FHIT: variants seen among roughly 807,000 people sequenced by gnomAD.
FHIT encodes bis(5'-adenosyl)-triphosphatase.
FHIT carries 19 observed loss-of-function variants against 17.9 expected under a neutral mutation model. That is an observed-to-expected ratio of 1.06 (90% CI 0.74 to 1.56). FHIT has a LOEUF of 1.56. Among genes scored for constraint, FHIT ranks in the 40% most tolerant of loss-of-function variants. The pLI, the probability that FHIT is intolerant of heterozygous loss-of-function variation, is 0.00. For missense variants in FHIT, 248 were observed against 189.2 expected (o/e 1.31, Z -1.82); for synonymous variants, 81 against 69.7 (o/e 1.16, Z -0.81).
At chr3:61,076,326 T>C (rs989163889) in intron 2 of FHIT, among the ~76,000 whole-genome samples, 22 of 152,280 alleles carry the variant, frequency 1.4e-4, no homozygotes, top group African/African-American at 3.4e-4. Flanking sequence ...GAAAATATAA[T>C]AGTCTTTCAT....
chr3:59,950,571 C>A (rs1455696617), intron 7 of FHIT, among the ~76,000 whole-genome samples: 1 of 151,920 alleles, frequency 6.6e-6, no homozygotes, highest in African/African-American at 2.4e-5. Flanking sequence ...GTTTTCTTTT[C>A]TTTTCTTTTC....
chr3:60,144,277 G>A (rs1178644025), intron 5 of FHIT, among the ~76,000 whole-genome samples: 1 of 152,186 alleles, frequency 6.6e-6, no homozygotes, highest in Non-Finnish European at 1.5e-5. Context: ...AACAGTAATA[G>A]CTGAATCCCA....
intron 4 of FHIT, among the ~76,000 whole-genome samples, chr3:60,705,775 CT>C (rs2041357471): frequency 6.6e-6 from 1 of 152,132 alleles, no homozygotes; most frequent in African/African-American, 2.4e-5. Flanking sequence ...AGTTAAGAAG[CT>C]ACACATGCGT....
At chr3:60,564,326 C>G (rs1351847560) in intron 4 of FHIT, among the ~76,000 whole-genome samples, 1 of 152,156 alleles carries the variant, frequency 6.6e-6, no homozygotes. Context: ...CCCAAGGGCT[C>G]TGATAGAGAT....
At chr3:60,351,911 CT>C (rs1019681102) in intron 5 of FHIT, among the ~76,000 whole-genome samples, 1 of 152,190 alleles carries the variant, frequency 6.6e-6, no homozygotes, top group Non-Finnish European at 1.5e-5. Flanking sequence ...TTAGCTAGCT[CT>C]TACCCTGAAG....
intron 5 of FHIT, among the ~76,000 whole-genome samples, chr3:60,394,549 G>C (rs1218948479): frequency 6.6e-6 from 1 of 152,116 alleles, no homozygotes; most frequent in African/African-American, 2.4e-5. Flanking sequence ...CATGGTTAAG[G>C]ACACAGGTAC....
chr3:59,911,469 G>C (rs1162609513), intron 8 of FHIT, among the ~76,000 whole-genome samples: 2 of 152,240 alleles, frequency 1.3e-5, no homozygotes, highest in East Asian at 3.9e-4. Context: ...GGGCCTTTTA[G>C]GGGAGCAATT....
intron 8 of FHIT, among the ~76,000 whole-genome samples, chr3:59,864,747 T>G (rs1702561685): frequency 6.6e-6 from 1 of 151,860 alleles, no homozygotes; most frequent in Non-Finnish European, 1.5e-5. Flanking sequence ...AAGCAATGCT[T>G]TTCTGTGGAA....
At chr3:60,456,589 G>C (rs377319) in intron 5 of FHIT, among the ~76,000 whole-genome samples, 77,655 of 152,048 alleles carry the variant, frequency 0.51, 22,383 homozygotes, top group African/African-American at 0.78. Flanking sequence ...AGCAGCAGCA[G>C]AGAATCTTTT....
At chr3:60,707,889 C>T (rs1348241437) in intron 4 of FHIT, among the ~76,000 whole-genome samples, 1 of 152,148 alleles carries the variant, frequency 6.6e-6, no homozygotes, top group Non-Finnish European at 1.5e-5. Flanking sequence ...TTTGGGTATA[C>T]TGTTGCATAT....
chr3:61,151,076 T>C (rs879433823), intron 2 of FHIT, among the ~76,000 whole-genome samples: 1 of 152,270 alleles, frequency 6.6e-6, no homozygotes, highest in Non-Finnish European at 1.5e-5. Flanking sequence ...ATTTGCTTCT[T>C]GTTTCTCAGT....
intron 5 of FHIT, among the ~76,000 whole-genome samples, chr3:60,485,094 CATA>C (rs563642333): frequency 1.3e-3 from 193 of 152,136 alleles, no homozygotes; most frequent in African/African-American, 4.6e-3. Flanking sequence ...AAATCAAAAC[CATA>C]ATGAGATACC....
chr3:60,072,981 G>A (rs1036035676), intron 5 of FHIT, among the ~76,000 whole-genome samples: 3 of 152,166 alleles, frequency 2.0e-5, no homozygotes, highest in South Asian at 2.1e-4. Flanking sequence ...CTAAATGCCA[G>A]GGAATACACA....
At chr3:60,730,878 A>T (rs1207975909) in intron 4 of FHIT, among the ~76,000 whole-genome samples, 1 of 151,400 alleles carries the variant, frequency 6.6e-6, no homozygotes, top group Non-Finnish European at 1.5e-5. Context: ...GCACTTTGGG[A>T]GGCTGAGGCA....
chr3:60,120,983 A>T (rs915526574), intron 5 of FHIT, among the ~76,000 whole-genome samples: 1 of 152,166 alleles, frequency 6.6e-6, no homozygotes, highest in African/African-American at 2.4e-5. Context: ...CCACAAAATC[A>T]TAAGAGAGCC....
At chr3:60,636,568 G>C (rs192554724) in intron 4 of FHIT, among the ~76,000 whole-genome samples, 2 of 152,272 alleles carry the variant, frequency 1.3e-5, no homozygotes, top group East Asian at 1.9e-4. Flanking sequence ...GCAAGATCAA[G>C]AGTGGCAAAA....
chr3:60,567,583 A>T (rs1238124404), intron 4 of FHIT, among the ~76,000 whole-genome samples: 1 of 150,876 alleles, frequency 6.6e-6, no homozygotes, highest in Non-Finnish European at 1.5e-5. Flanking sequence ...AAGCAATGGC[A>T]ACAAAAGCCA....
chr3:60,276,082 G>C (rs1434520523), intron 5 of FHIT, among the ~76,000 whole-genome samples: 17 of 151,510 alleles, frequency 1.1e-4, no homozygotes, highest in Admixed American at 1.1e-3. Flanking sequence ...CTGCCTCCTG[G>C]GTTCACGCCA....
intron 5 of FHIT, among the ~76,000 whole-genome samples, chr3:60,443,925 A>T (rs2107342744): frequency 6.6e-6 from 1 of 152,236 alleles, no homozygotes; most frequent in Middle Eastern, 3.4e-3. Context: ...ATGGGAGAAA[A>T]TTTTTGCAAT....
Sources: allele counts gnomAD v4.1 joint callset (sites outside exome capture counted in the v4.1 genomes callset), GRCh38; gene constraint gnomAD v4.1.1; transcripts MANE v1.5; gene names NCBI Gene and HGNC (gene_info 2026-07-23, HGNC 2026-07-21).